The following VPS16 variants were observed in gnomAD, a reference collection of about 807,000 sequenced individuals.
VPS16 encodes the protein vacuolar protein sorting-associated protein 16 homolog.
In VPS16, 82 loss-of-function variants were observed where a neutral mutation model predicts 116.0. The ratio of observed to expected loss-of-function variants is 0.71; its 90% CI spans 0.59 to 0.85. The LOEUF (loss-of-function observed/expected upper bound fraction) is 0.85, where lower values mean the gene tolerates loss of function less well. Ranked by LOEUF, VPS16 falls within the 40% of genes least tolerant of loss-of-function variation. The probability of loss-of-function intolerance (pLI) is 0.00; values close to 1 mark genes in which losing one functional copy is unlikely to be tolerated. For missense variants in VPS16, 928 were observed against 1,090.6 expected (o/e 0.85, Z 2.10); for synonymous variants, 406 against 420.7 (o/e 0.96, Z 0.43).
intron 1 of VPS16, among the ~76,000 whole-genome samples, chr20:2,842,323 ATAT>A (rs2088986024): frequency 6.6e-6 from 1 of 151,842 alleles, no homozygotes; most frequent in South Asian, 2.1e-4. Context: ...AAAATTAAAA[ATAT>A]TATTTTAGGC....
intron 1 of VPS16, among the ~76,000 whole-genome samples, chr20:2,842,872 A>ACATCTATCTATCTATC: frequency 6.8e-6 from 1 of 146,946 alleles, no homozygotes; most frequent in East Asian, 2.0e-4. Context: ...ATCGATAGAT[A>ACATCTATCTATCTATC]GATAGATGTA....
chr20:2,857,141 C>G (rs967717798), intron 1 of VPS16, among the ~76,000 whole-genome samples: 1 of 152,080 alleles, frequency 6.6e-6, no homozygotes, highest in Admixed American at 6.6e-5. Flanking sequence ...CCATGCCCAG[C>G]TAATTTTGTA....
At position 2,863,761 on chromosome 20, in the gene VPS16, C is replaced by CA. The variant is rs903548289; in HGVS notation, c.1477-179dup. 7.8e-6 allele frequency among the ~76,000 whole-genome samples: 1 copy of CA among 128,548 alleles called. No homozygotes were observed. Among genetic ancestry groups the CA allele is most frequent in the Admixed American group, 8.5e-5 (1 of 11,702 alleles). 84.3% of individuals were successfully genotyped at this position (128,548 alleles called of 152,430 possible). ...TGGGCGACAGAGCAAGACTCTGTCT[C>CA]AAAAAAAAAGAAAGAAGTGGCGGGG... On this transcript the variant is annotated intron_variant, in intron 15 of 23. Coordinates refer to ENST00000380445, the MANE Select transcript of VPS16 (RefSeq NM_022575.4). The surrounding 1 kb of genome is among the most constrained non-coding windows in gnomAD (Gnocchi z 4.4).
chr20:2,856,103 A>G (rs1417381984), intron 1 of VPS16, among the ~76,000 whole-genome samples: 1 of 152,184 alleles, frequency 6.6e-6, no homozygotes, highest in Non-Finnish European at 1.5e-5. Flanking sequence ...TTAAAGTGAG[A>G]GATTTGCCAC....
At position 2,847,736 on chromosome 20, in the gene VPS16, G is replaced by A. The variant is rs529986857; in HGVS notation, c.53+6909G>A. Reference sequence around the variant, plus strand: ...TCATGATCCGCCTGTCTCGGCCTCCGGAAGTGCTAGGATTACAGGCGTGAG... The same window carrying A: ...TCATGATCCGCCTGTCTCGGCCTCCAGAAGTGCTAGGATTACAGGCGTGAG... On this transcript the variant is annotated intron_variant, in intron 1 of 23. Coordinates refer to ENST00000380445, the MANE Select transcript of VPS16 (RefSeq NM_022575.4). Among the ~76,000 whole-genome samples the A allele has an allele frequency of 7.9e-5, 12 of 151,706 alleles. No homozygotes were observed. The South Asian group carries it at 8.4e-4, about 11-fold the overall frequency.
Position 2,866,240 on chromosome 20 carries a change from A to G in VPS16, c.2300A>G (p.His767Arg), listed in dbSNP as rs1194234831. The change falls in exon 23 of 24, where the codon CAT becomes CGT. Residue 767 changes from histidine to arginine, a missense_variant. His to Arg is a conservative substitution (Grantham distance 29). Coordinates refer to ENST00000380445, the MANE Select transcript of VPS16 (RefSeq NM_022575.4). ...LPFVEICMKQ[H>R]NKYEAKKYAS... ...TTTGTGGAGATCTGCATGAAACAAC[A>G]TAACAAATACGAAGCCAAGAAGTAT... is the stretch of plus-strand genomic sequence containing the variant. 10 of 1,613,880 alleles carry G rather than the reference A, an allele frequency of 6.2e-6. No homozygotes were observed. The highest frequency in any genetic ancestry group is 8.5e-6 in the Non-Finnish European group (10 of 1,180,012).
chr20:2,862,657 A>G lies in VPS16; in HGVS notation c.1150A>G (p.Ile384Val). Residue 384 changes from isoleucine (I) to valine (V), a missense_variant, in exon 12 of 24, where the codon ATT becomes GTT. By Grantham distance (29) the Ile-to-Val change is conservative. Coordinates refer to ENST00000380445, the MANE Select transcript of VPS16 (RefSeq NM_022575.4). ...GQLTQAVQQC[I>V]EAAGHEHQPD... is the part of the protein sequence containing the mutation. ...GCTGACCCAGGCCGTGCAGCAGTGC[A>G]TTGAGGCTGCAGGACATGAGCACCA... The G allele has an allele frequency of 6.3e-7, 1 of 1,579,202 alleles. No individual in the cohort carries two copies. Among genetic ancestry groups the G allele is most frequent in the Non-Finnish European group, 8.6e-7 (1 of 1,161,120 alleles).
chr20:2,851,662 C>G (rs1228902876), intron 1 of VPS16, among the ~76,000 whole-genome samples: 1 of 122,570 alleles, frequency 8.2e-6, no homozygotes, highest in African/African-American at 2.8e-5. Context: ...AACTCCGTCT[C>G]AAAAAAAAAA....
At chr20:2,851,489 C>T (rs2089120575) in intron 1 of VPS16, among the ~76,000 whole-genome samples, 1 of 151,908 alleles carries the variant, frequency 6.6e-6, no homozygotes, top group African/African-American at 2.4e-5. Context: ...ATGGTGAAAC[C>T]CCATCTCTAC....
intron 1 of VPS16, among the ~76,000 whole-genome samples, chr20:2,857,954 G>T (rs1052793607): frequency 2.0e-5 from 3 of 152,058 alleles, no homozygotes; most frequent in Non-Finnish European, 4.4e-5. Context: ...CAAGTGATCT[G>T]CCCACCTCAC....
chr20:2,854,238 T>TACACACACACACACACACACAC (rs150363426), intron 1 of VPS16, among the ~76,000 whole-genome samples: 7,583 of 139,696 alleles, frequency 0.054, 308 homozygotes, highest in African/African-American at 0.09. Context: ...ACCCCGTCTC[T>TACACACACACACACACACACAC]ACACACACAC....
rs575154869 is a variant in VPS16, at chr20:2,847,592, C to T, written c.53+6765C>T. Among the ~76,000 whole-genome samples the T allele has an allele frequency of 3.9e-5, 6 of 152,108 alleles. No homozygotes were observed. In the South Asian group the frequency reaches 1.2e-3, roughly 32 times the overall value. On this transcript the variant is annotated intron_variant, in intron 1 of 23. Coordinates refer to ENST00000380445, the MANE Select transcript of VPS16 (RefSeq NM_022575.4). ...CTTCCGGGTTCAAGCAAATCTCCTG[C>T]CTCAGCCTCCCGAGTAGCTGGGATT...
chr20:2,852,877 A>C (rs2089135335), intron 1 of VPS16, among the ~76,000 whole-genome samples: 1 of 152,196 alleles, frequency 6.6e-6, no homozygotes, highest in African/African-American at 2.4e-5. Flanking sequence ...TAATTTCTTA[A>C]AACAACAATG....
intron 1 of VPS16, among the ~76,000 whole-genome samples, chr20:2,850,461 G>A (rs1169339894): frequency 2.0e-5 from 3 of 151,440 alleles, no homozygotes; most frequent in Admixed American, 2.0e-4. Context: ...CCCCATCTCT[G>A]ATAAAAATAC....
chr20:2,859,847 G>A, intron 2 of VPS16, 40 bp downstream of exon 2: 4 of 1,586,262 alleles, frequency 2.5e-6, no homozygotes, highest in Non-Finnish European at 3.4e-6. Flanking sequence ...TGGGACCCTG[G>A]GATGAACTCA....
chr20:2,848,031 C>T (rs996933329), intron 1 of VPS16, among the ~76,000 whole-genome samples: 9 of 152,112 alleles, frequency 5.9e-5, no homozygotes, highest in East Asian at 1.9e-4. Flanking sequence ...TACCCCTGCA[C>T]GGTGCAGAAC....
At chr20:2,856,116 T>C (rs865934504) in intron 1 of VPS16, among the ~76,000 whole-genome samples, 5 of 152,222 alleles carry the variant, frequency 3.3e-5, no homozygotes, top group African/African-American at 1.2e-4. Context: ...TTTGCCACTC[T>C]TCTTTCACTT....
At chr20:2,862,021 C>A in intron 10 of VPS16, 33 bp from the exon 11 acceptor site, 1 of 1,612,150 alleles carries the variant, frequency 6.2e-7, no homozygotes, top group Non-Finnish European at 8.5e-7. Flanking sequence ...GTTTCCCTGC[C>A]TTTCTCCCTC....
rs201238381 is a variant in VPS16 at position 2,861,644 on chromosome 20, C to T, written c.839C>T (p.Ala280Val). Residue 280 changes from alanine to valine, a missense_variant, in exon 9 of 24, where the codon GCC becomes GTC. Transcript: ENST00000380445. Reference sequence around the variant, plus strand: ...AGCCGTCCTCGTAGCAAGGAGAGGGCCGTGGTGGTGGCCTGGGAAAGGCGG... The same window carrying T: ...AGCCGTCCTCGTAGCAAGGAGAGGGTCGTGGTGGTGGCCTGGGAAAGGCGG... ...WCSRPRSKER[A>V]VVVAWERRLM... 1.2e-6 allele frequency: 2 copies of T among 1,612,738 alleles called. No individual in the cohort carries two copies. The highest frequency in any genetic ancestry group is 2.2e-5 in the East Asian group (1 of 44,850).
Sources: gnomAD v4.1 joint callset for allele counts (sites outside exome capture counted in the v4.1 genomes callset) on GRCh38, gnomAD v4.1.1 for gene constraint, Gnocchi (gnomAD v3.1) non-coding constraint, MANE v1.5 for transcripts, NCBI Gene and HGNC (gene_info 2026-07-23, HGNC 2026-07-21) for gene names.